Variants in PPFIA1 observed in about 807,000 individuals in gnomAD.
PPFIA1 encodes the protein PPFI scaffold protein A1, also known as liprin-alpha-1.
PPFIA1 carries 25 observed loss-of-function variants against 149.9 expected under a neutral mutation model. That is an observed-to-expected ratio of 0.17 (90% CI 0.12 to 0.23). The LOEUF (loss-of-function observed/expected upper bound fraction) is 0.23. PPFIA1 is among the 10% of genes least tolerant of loss of function. The pLI, the probability that PPFIA1 is intolerant of heterozygous loss-of-function variation, is 1.00. For synonymous variants in PPFIA1, 549 were observed against 552.8 expected, an observed-to-expected ratio of 0.99 and a Z score of 0.10; for missense variants, 1,362 against 1,506.5, an observed-to-expected ratio of 0.90 and a Z score of 1.59.
chr11:70,285,987 G>A (rs929901117), intron 2 of PPFIA1, among the ~76,000 whole-genome samples: 1 of 152,174 alleles, frequency 6.6e-6, no homozygotes, highest in Non-Finnish European at 1.5e-5. Flanking sequence ...CATGGATGAT[G>A]TAATGTGGGA....
intron 16 of PPFIA1, among the ~76,000 whole-genome samples, chr11:70,352,350 C>G (rs925058254): frequency 6.6e-6 from 1 of 152,224 alleles, no homozygotes; most frequent in Non-Finnish European, 1.5e-5. Flanking sequence ...CCAGCAGCAA[C>G]AAGACACAGA....
At chr11:70,357,299 G>A (rs542199241) in intron 19 of PPFIA1, among the ~76,000 whole-genome samples, 1 of 152,102 alleles carries the variant, frequency 6.6e-6, no homozygotes, top group East Asian at 1.9e-4. Context: ...GGAAATTGGG[G>A]CCCAAAGATG....
intron 2 of PPFIA1, among the ~76,000 whole-genome samples, chr11:70,296,557 C>T (rs896526773): frequency 1.3e-5 from 2 of 151,928 alleles, no homozygotes; most frequent in African/African-American, 4.8e-5. Context: ...CGGTGCGCGC[C>T]TGCAATCGCA....
intron 2 of PPFIA1, among the ~76,000 whole-genome samples, chr11:70,291,620 C>A (rs1436054406): frequency 6.6e-6 from 1 of 152,176 alleles, no homozygotes; most frequent in Non-Finnish European, 1.5e-5. Flanking sequence ...TGCCCTTCCT[C>A]TGTTTCTTTT....
At chr11:70,350,375 A>C (rs991044967) in intron 16 of PPFIA1, among the ~76,000 whole-genome samples, 1 of 152,208 alleles carries the variant, frequency 6.6e-6, no homozygotes, top group Non-Finnish European at 1.5e-5. Flanking sequence ...AGTCTCATCA[A>C]CTATCTCTAA....
At position 70,270,900 on chromosome 11, in the gene PPFIA1, C is replaced by G. The variant is rs1002767810; in HGVS notation, c.-15C>G. On this transcript the variant is annotated 5_prime_UTR_variant, in exon 1 of 28. Coordinates refer to ENST00000253925, the MANE Select transcript of PPFIA1 (RefSeq NM_003626.5). Reference sequence around the variant, plus strand: ...CGCCGCGGAGCCTCCTCGCCCGCTCCCGCCGGCGAGCAAGGTAAGGGAGCG... The same window carrying G: ...CGCCGCGGAGCCTCCTCGCCCGCTCGCGCCGGCGAGCAAGGTAAGGGAGCG... 2.5e-4 allele frequency: 38 copies of G among 151,144 alleles called. No individual in the cohort carries two copies. The highest frequency in any genetic ancestry group is 7.2e-4 in the Admixed American group (11 of 15,184). 9.4% of individuals were successfully genotyped at this position (151,144 alleles called of 1,614,324 possible).
intron 21 of PPFIA1, among the ~76,000 whole-genome samples, chr11:70,370,618 C>T (rs941398108): frequency 2.6e-5 from 4 of 151,986 alleles, no homozygotes; most frequent in Non-Finnish European, 5.9e-5. Flanking sequence ...GAACTCCTGA[C>T]CAAAGGTGAT....
chr11:70,373,742 C>T (rs2057370232), intron 23 of PPFIA1: 2 of 152,084 alleles, frequency 1.3e-5, no homozygotes, highest in African/African-American at 4.8e-5. Context: ...GTTTTCATCC[C>T]CACTTTATAC....
At chr11:70,296,879 T>C (rs1211568806) in intron 2 of PPFIA1, among the ~76,000 whole-genome samples, 3 of 152,198 alleles carry the variant, frequency 2.0e-5, no homozygotes, top group Non-Finnish European at 2.9e-5. Flanking sequence ...GCATGGCCTC[T>C]GGGTCTGCGC....
chr11:70,280,214 G>GTGTA (rs2050667637), intron 2 of PPFIA1, among the ~76,000 whole-genome samples: 1 of 138,338 alleles, frequency 7.2e-6, no homozygotes, highest in African/African-American at 3.2e-5. Flanking sequence ...GTATATATGT[G>GTGTA]TGTATATATA....
chr11:70,349,331 T>C (rs1777229533), intron 16 of PPFIA1, among the ~76,000 whole-genome samples: 1 of 152,056 alleles, frequency 6.6e-6, no homozygotes, highest in Admixed American at 6.6e-5. Flanking sequence ...CTGAGGAATG[T>C]TTAAAACTTT....
At chr11:70,311,068 G>C (rs980774428) in intron 2 of PPFIA1, among the ~76,000 whole-genome samples, 2 of 152,160 alleles carry the variant, frequency 1.3e-5, no homozygotes, top group Non-Finnish European at 2.9e-5. Flanking sequence ...TAAAGGCTTC[G>C]GGAGGCCGAG....
At chr11:70,359,714 T>C (rs1256153624) in intron 19 of PPFIA1, among the ~76,000 whole-genome samples, 2 of 152,268 alleles carry the variant, frequency 1.3e-5, no homozygotes, top group Admixed American at 6.5e-5. Context: ...TTTACCGTTA[T>C]GCTATGTCTT....
At chr11:70,272,145 T>G (rs670012) in intron 1 of PPFIA1, 28 bp from the exon 2 acceptor site, 595,350 of 1,602,876 alleles carry the variant, frequency 0.37, 119,444 homozygotes, top group African/African-American at 0.78. Flanking sequence ...TGAGCTTAAT[T>G]ACTGTAGCCT....
intron 21 of PPFIA1, among the ~76,000 whole-genome samples, chr11:70,366,493 T>A (rs12282942): frequency 0.043 from 6,526 of 152,338 alleles, 507 homozygotes; most frequent in African/African-American, 0.15. Flanking sequence ...ACTGTATATT[T>A]GAATTTTCAG....
chr11:70,327,859 G>A (rs1232140385), intron 7 of PPFIA1: 1 of 152,128 alleles, frequency 6.6e-6, no homozygotes, highest in Non-Finnish European at 1.5e-5. Flanking sequence ...TTTCTAACCT[G>A]CGCTTTGTCC....
rs377506311 is a variant in PPFIA1, at chr11:70,360,766, A to G, written c.2583-1329A>G. Among the ~76,000 whole-genome samples, 315 of 152,390 alleles carry G rather than the reference A, an allele frequency of 2.1e-3. 3 individuals are homozygous for G. The highest frequency in any genetic ancestry group is 7.1e-3 in the African/African-American group (294 of 41,590). On this transcript the variant is annotated intron_variant, in intron 19 of 27. Coordinates refer to ENST00000253925, the MANE Select transcript of PPFIA1 (RefSeq NM_003626.5). ...TATTGAAATGTATTGAAGAGCCAAT[A>G]TCAAATTTTTAAAAATAAGAGATTC...
chr11:70,342,053 T>C (rs951262220), intron 14 of PPFIA1: 10 of 152,534 alleles, frequency 6.6e-5, no homozygotes, highest in African/African-American at 2.4e-4. Flanking sequence ...TTTACTCTGG[T>C]TGGGAGCAAA....
intron 25 of PPFIA1, among the ~76,000 whole-genome samples, chr11:70,377,559 G>C (rs963119970): frequency 1.3e-5 from 2 of 152,178 alleles, no homozygotes; most frequent in African/African-American, 2.4e-5. Context: ...AGCTACTTAG[G>C]AGGCTGCGGT....
Sources: allele counts gnomAD v4.1 joint callset (sites outside exome capture counted in the v4.1 genomes callset), GRCh38; gene constraint gnomAD v4.1.1; transcripts MANE v1.5; gene names NCBI Gene and HGNC (gene_info 2026-07-23, HGNC 2026-07-21).